The following MLLT3 variants were observed in gnomAD, a reference collection of about 807,000 sequenced individuals.
MLLT3 encodes MLLT3 super elongation complex subunit.
MLLT3 carries 4 observed loss-of-function variants against 53.2 expected under a neutral mutation model. That is an observed-to-expected ratio of 0.08 (90% CI 0.04 to 0.17). The LOEUF (loss-of-function observed/expected upper bound fraction) is 0.17, where lower values mean the gene tolerates loss of function less well. MLLT3 is among the 10% of genes least tolerant of loss of function. The pLI is 1.00. For synonymous variants in MLLT3, 283 were observed against 230.6 expected, an observed-to-expected ratio of 1.23 and a Z score of -2.06; for missense variants, 569 against 684.0, an observed-to-expected ratio of 0.83 and a Z score of 1.87.
At chr9:20,421,697 T>C (rs918097655) in intron 4 of MLLT3, among the ~76,000 whole-genome samples, 1 of 152,188 alleles carries the variant, frequency 6.6e-6, no homozygotes, top group Non-Finnish European at 1.5e-5. Flanking sequence ...CTGAAAGAAG[T>C]GAAATTTCTT....
chr9:20,600,561 T>C (rs1393075907), intron 2 of MLLT3, among the ~76,000 whole-genome samples: 1 of 152,226 alleles, frequency 6.6e-6, no homozygotes, highest in African/African-American at 2.4e-5. Context: ...TTCTTCTCTA[T>C]AGAGTGATGT....
chr9:20,372,412 C>T (rs901510346), intron 5 of MLLT3, among the ~76,000 whole-genome samples: 1 of 152,000 alleles, frequency 6.6e-6, no homozygotes, highest in Non-Finnish European at 1.5e-5. Flanking sequence ...TTTCTTTTCT[C>T]TTTTAGACGG....
At chr9:20,516,313 C>G (rs1441349955) in intron 2 of MLLT3, among the ~76,000 whole-genome samples, 1 of 152,190 alleles carries the variant, frequency 6.6e-6, no homozygotes, top group African/African-American at 2.4e-5. Context: ...ATCTGATAGG[C>G]AGCCTCACAA....
intron 2 of MLLT3, among the ~76,000 whole-genome samples, chr9:20,592,385 C>T (rs1397267057): frequency 2.6e-5 from 4 of 152,176 alleles, no homozygotes; most frequent in Non-Finnish European, 4.4e-5. Flanking sequence ...ATGAAGATAT[C>T]AGCAGGGCTG....
rs536326705 is a variant in MLLT3 at position 20,367,439 on chromosome 9, T to C, written c.1126-1695A>G. Among the ~76,000 whole-genome samples the C allele has an allele frequency of 3.9e-5, 6 of 152,310 alleles. No homozygotes were observed. In the South Asian group the frequency reaches 6.2e-4, roughly 16 times the overall value. On this transcript the variant is annotated intron_variant, in intron 5 of 10. Transcript: ENST00000380338. ...CTTGTACTTAGCATAATGCATTGTATACAAGAGGCACTTTTTATCGGTGAC... is the reference window on the plus strand; with the variant it reads ...CTTGTACTTAGCATAATGCATTGTACACAAGAGGCACTTTTTATCGGTGAC...
intron 7 of MLLT3, 156 bp downstream of exon 7, chr9:20,363,320 G>A (rs1279095231): frequency 4.1e-6 from 3 of 739,704 alleles, no homozygotes; most frequent in Non-Finnish European, 4.2e-6. Flanking sequence ...TCCCTGTAAA[G>A]TGTGTGTAGG....
At chr9:20,587,487 C>G (rs2131181665) in intron 2 of MLLT3, among the ~76,000 whole-genome samples, 1 of 152,040 alleles carries the variant, frequency 6.6e-6, no homozygotes, top group African/African-American at 2.4e-5. Context: ...AGAGGGGCCC[C>G]CTACTCTTTC....
At chr9:20,603,188 C>A (rs375989958) in intron 2 of MLLT3, among the ~76,000 whole-genome samples, 2 of 152,036 alleles carry the variant, frequency 1.3e-5, no homozygotes, top group East Asian at 1.9e-4. Context: ...CAAGAAACCA[C>A]TTGGACATAT....
At chr9:20,505,367 C>A (rs906010511) in intron 2 of MLLT3, among the ~76,000 whole-genome samples, 2 of 152,148 alleles carry the variant, frequency 1.3e-5, no homozygotes, top group African/African-American at 4.8e-5. Flanking sequence ...ATGGTGATCA[C>A]CTTATTTGCT....
intron 2 of MLLT3, among the ~76,000 whole-genome samples, chr9:20,564,416 T>C (rs1328368604): frequency 2.6e-5 from 4 of 151,520 alleles, no homozygotes; most frequent in Admixed American, 6.7e-5. Context: ...AATAAATGAC[T>C]CCTGTATGTT....
intron 2 of MLLT3, among the ~76,000 whole-genome samples, chr9:20,609,807 A>G (rs1820654506): frequency 6.6e-6 from 1 of 152,118 alleles, no homozygotes; most frequent in Non-Finnish European, 1.5e-5. Context: ...TCTTTCACCC[A>G]TTTCACTGTC....
intron 5 of MLLT3, among the ~76,000 whole-genome samples, chr9:20,406,255 G>C (rs1822574830): frequency 6.6e-6 from 1 of 151,998 alleles, no homozygotes; most frequent in South Asian, 2.1e-4. Context: ...AAAATAAATA[G>C]AAAGTCTTCT....
intron 2 of MLLT3, among the ~76,000 whole-genome samples, chr9:20,529,334 T>G (rs1455991646): frequency 6.6e-6 from 1 of 152,230 alleles, no homozygotes; most frequent in East Asian, 1.9e-4. Flanking sequence ...CAACCACCTC[T>G]TCTCGTTAGG....
At chr9:20,466,871 C>T (rs1824250161) in intron 2 of MLLT3, among the ~76,000 whole-genome samples, 1 of 152,162 alleles carries the variant, frequency 6.6e-6, no homozygotes, top group Non-Finnish European at 1.5e-5. Context: ...GAAGCAGAGA[C>T]AGAGTCAGTC....
intron 2 of MLLT3, among the ~76,000 whole-genome samples, chr9:20,509,993 G>A (rs1336056694): frequency 6.6e-6 from 1 of 151,762 alleles, no homozygotes; most frequent in East Asian, 1.9e-4. Flanking sequence ...TGAATTATGT[G>A]AATCAAATGT....
At chr9:20,498,752 G>A (rs1021701496) in intron 2 of MLLT3, among the ~76,000 whole-genome samples, 1 of 152,152 alleles carries the variant, frequency 6.6e-6, no homozygotes, top group Non-Finnish European at 1.5e-5. Context: ...CCCTGATCTG[G>A]ATTCATGCCC....
At position 20,620,961 on chromosome 9, in the gene MLLT3, G is replaced by T; in HGVS notation, c.13-127C>A. 1.8e-6 allele frequency: 2 copies of T among 1,111,446 alleles called. No individual in the cohort carries two copies. The highest frequency in any genetic ancestry group is 1.5e-5 in the African/African-American group (1 of 64,962). 68.8% of individuals were successfully genotyped at this position (1,111,446 alleles called of 1,614,324 possible). A position where few individuals can be genotyped will look rare whatever the true frequency, so the allele number is the denominator to read the frequency against. ...ATAAAAGGAAACGGCGGTGCCCTCT[G>T]CATCCACGTTTCACGCGCGTGGGCG... On this transcript the variant is annotated intron_variant, in intron 1 of 10. Coordinates refer to ENST00000380338, the MANE Select transcript of MLLT3 (RefSeq NM_004529.4). The surrounding 1 kb of genome is among the most constrained non-coding windows in gnomAD (Gnocchi z 6.1).
chr9:20,430,473 A>AT (rs1447142856), intron 4 of MLLT3, among the ~76,000 whole-genome samples: 1 of 152,162 alleles, frequency 6.6e-6, no homozygotes, highest in African/African-American at 2.4e-5. Context: ...AGACTCATAA[A>AT]TATTTTAAAA....
intron 2 of MLLT3, among the ~76,000 whole-genome samples, chr9:20,581,325 G>A (rs1007683880): frequency 1.3e-5 from 2 of 152,124 alleles, no homozygotes; most frequent in Non-Finnish European, 2.9e-5. Context: ...TTAAAGAGGT[G>A]TTAAACAAAT....
Sources: gnomAD v4.1 joint callset for allele counts (sites outside exome capture counted in the v4.1 genomes callset) on GRCh38, gnomAD v4.1.1 for gene constraint, Gnocchi (gnomAD v3.1) non-coding constraint, MANE v1.5 for transcripts, NCBI Gene and HGNC (gene_info 2026-07-23, HGNC 2026-07-21) for gene names.